Variants in FBXL20 observed in about 807,000 individuals in gnomAD.
The protein encoded by FBXL20 is F-box and leucine rich repeat protein 20.
A neutral mutation model predicts 64.0 loss-of-function variants in FBXL20; 11 were observed. The observed-to-expected ratio is 0.17, with a 90% CI of 0.11 to 0.28. FBXL20 has a LOEUF of 0.28. FBXL20 is among the 10% of genes least tolerant of loss of function. The pLI is 1.00. For missense variants in FBXL20, 303 were observed against 526.2 expected, an observed-to-expected ratio of 0.58 and a Z score of 4.15; for synonymous variants, 184 against 189.0, an observed-to-expected ratio of 0.97 and a Z score of 0.22.
At chr17:39,270,892 C>T (rs1162208656) in intron 10 of FBXL20, 36 bp from the exon 11 acceptor site, 1 of 1,512,268 alleles carries the variant, frequency 6.6e-7, no homozygotes, top group Non-Finnish European at 8.9e-7. Flanking sequence ...GAAAGTCAAG[C>T]TCTTGGTCCC....
intron 1 of FBXL20, among the ~76,000 whole-genome samples, chr17:39,344,507 C>T (rs1337492862): frequency 6.6e-6 from 1 of 152,090 alleles, no homozygotes; most frequent in Non-Finnish European, 1.5e-5. Context: ...CACTTTTGGC[C>T]AGGCACAGTG....
chr17:39,349,351 A>G (rs1331623284), intron 1 of FBXL20, among the ~76,000 whole-genome samples: 18 of 132,310 alleles, frequency 1.4e-4, no homozygotes, highest in African/African-American at 5.3e-4. Context: ...AAAAAAAAAA[A>G]AGGCTGGGAT....
chr17:39,277,968 A>G (rs1287305815), intron 9 of FBXL20, among the ~76,000 whole-genome samples: 1 of 152,134 alleles, frequency 6.6e-6, no homozygotes, highest in Non-Finnish European at 1.5e-5. Context: ...TAAAATACAC[A>G]TAAGATAGAA....
chr17:39,352,872 G>C (rs2047701107), intron 1 of FBXL20, among the ~76,000 whole-genome samples: 3 of 152,088 alleles, frequency 2.0e-5, no homozygotes, highest in Admixed American at 6.6e-5. Flanking sequence ...GTGGAAAGAA[G>C]ACTATTTCTC....
chr17:39,385,655 C>T (rs1364509916), intron 1 of FBXL20, among the ~76,000 whole-genome samples: 2 of 152,176 alleles, frequency 1.3e-5, no homozygotes, highest in Non-Finnish European at 2.9e-5. Context: ...ATAATGGTAA[C>T]AATTCACAGA....
chr17:39,377,783 G>A (rs1026148343), intron 1 of FBXL20, among the ~76,000 whole-genome samples: 8 of 152,164 alleles, frequency 5.3e-5, no homozygotes, highest in African/African-American at 9.6e-5. Context: ...GATTACAGGC[G>A]TAAGCCACCG....
At chr17:39,265,588 C>A (rs776522098) in intron 12 of FBXL20, 135 bp from the exon 13 acceptor site, 3 of 515,046 alleles carry the variant, frequency 5.8e-6, no homozygotes, top group African/African-American at 2.5e-5. Context: ...CTCACTGCAG[C>A]CTAAAACTTC....
intron 6 of FBXL20, among the ~76,000 whole-genome samples, chr17:39,288,825 C>T (rs1318876364): frequency 1.3e-5 from 2 of 152,116 alleles, no homozygotes; most frequent in Non-Finnish European, 1.5e-5. Flanking sequence ...TCTCCTGCCT[C>T]AGCCTCCAGA....
chr17:39,376,144 A>G (rs2047965155), intron 1 of FBXL20, among the ~76,000 whole-genome samples: 1 of 152,028 alleles, frequency 6.6e-6, no homozygotes, highest in African/African-American at 2.4e-5. Flanking sequence ...ATAAAATAAA[A>G]TAACAGCTGA....
At chr17:39,363,829 AAAAAC>A (rs1477974716) in intron 1 of FBXL20, among the ~76,000 whole-genome samples, 20 of 145,800 alleles carry the variant, frequency 1.4e-4, no homozygotes, top group African/African-American at 2.3e-4. Context: ...AAAAAAAACA[AAAAAC>A]AAAAAAAAAA....
chr17:39,331,954 T>C (rs1285327209), intron 2 of FBXL20, among the ~76,000 whole-genome samples: 4 of 152,244 alleles, frequency 2.6e-5, no homozygotes, highest in East Asian at 3.8e-4. Flanking sequence ...ACTCACTTTA[T>C]GGTCTATGAG....
intron 6 of FBXL20, among the ~76,000 whole-genome samples, chr17:39,286,909 C>CTTTTTTTTTTT (rs35221372): frequency 8.7e-6 from 1 of 114,562 alleles, no homozygotes; most frequent in Non-Finnish European, 1.7e-5. Context: ...GTATCTATTT[C>CTTTTTTTTTTT]TTTTTTTTTT....
At chr17:39,313,877 T>C (rs1380483956) in intron 2 of FBXL20, among the ~76,000 whole-genome samples, 2 of 151,906 alleles carry the variant, frequency 1.3e-5, no homozygotes, top group Non-Finnish European at 2.9e-5. Flanking sequence ...TCAAGTGATC[T>C]GCCCACCTTG....
intron 1 of FBXL20, among the ~76,000 whole-genome samples, chr17:39,362,542 C>G (rs985137539): frequency 6.6e-6 from 1 of 150,542 alleles, no homozygotes; most frequent in Non-Finnish European, 1.5e-5. Flanking sequence ...AGGCTGGTCT[C>G]GAACTCCCGA....
At chr17:39,270,516 C>T (rs1044865439) in intron 11 of FBXL20, among the ~76,000 whole-genome samples, 1 of 151,874 alleles carries the variant, frequency 6.6e-6, no homozygotes, top group African/African-American at 2.4e-5. Flanking sequence ...TGCACTCCAG[C>T]CTGGGTGACA....
At chr17:39,302,404 C>T (rs1442543525) in intron 3 of FBXL20, among the ~76,000 whole-genome samples, 5 of 145,436 alleles carry the variant, frequency 3.4e-5, no homozygotes, top group African/African-American at 1.3e-4. Flanking sequence ...GACGGAGTCT[C>T]GTTCTGTCGC....
chr17:39,379,807 T>C lies in FBXL20; in HGVS notation c.42+21554A>G, dbSNP rs576846632. On this transcript the variant is annotated intron_variant, in intron 1 of 14. Transcript: ENST00000264658. ...AATAAATAAAATAACATAAAATAAATAAGTATATAAAATATTTAACAATTA... is the reference window on the plus strand; with the variant it reads ...AATAAATAAAATAACATAAAATAAACAAGTATATAAAATATTTAACAATTA... Among the ~76,000 whole-genome samples the C allele has an allele frequency of 1.7e-3, 259 of 151,690 alleles. 1 individual carries two copies. The highest frequency in any genetic ancestry group is 0.011 in the South Asian group (54 of 4,802).
rs140526626 is a variant in FBXL20, at chr17:39,366,783, CTAGT to C, written c.43-23546_43-23543del. ...ATTTGGGGTCCTTTGAATGTAACCTCTAGTTACTTTTGGAAGCTTTTAGTATATT... is the reference window on the plus strand; with the variant it reads ...ATTTGGGGTCCTTTGAATGTAACCTCTACTTTTGGAAGCTTTTAGTATATT... On this transcript the variant is annotated intron_variant, in intron 1 of 14. Transcript: ENST00000264658. Among the ~76,000 whole-genome samples the C allele has an allele frequency of 9.2e-3, 1,394 of 152,068 alleles. 17 individuals are homozygous for C. Among genetic ancestry groups the C allele is most frequent in the African/African-American group, 0.032 (1,317 of 41,470 alleles).
chr17:39,261,393 G>A lies in FBXL20; in HGVS notation c.*67C>T, dbSNP rs2046743901. On this transcript the variant is annotated 3_prime_UTR_variant, in exon 15 of 15. Transcript: ENST00000264658. ...GAACACTGGGGTTGCTTCCACTGGA[G>A]AGACTCCACGGTAGCTCTAGAAGTG... is the stretch of plus-strand genomic sequence containing the variant. 2 of 1,313,636 alleles carry A rather than the reference G, an allele frequency of 1.5e-6. No individual in the cohort carries two copies. 81.4% of individuals were successfully genotyped at this position (1,313,636 alleles called of 1,614,324 possible). A position where few individuals can be genotyped will look rare whatever the true frequency, so the allele number is the denominator to read the frequency against.
Sources: allele counts gnomAD v4.1 joint callset (sites outside exome capture counted in the v4.1 genomes callset), GRCh38; gene constraint gnomAD v4.1.1; transcripts MANE v1.5; gene names NCBI Gene and HGNC (gene_info 2026-07-23, HGNC 2026-07-21).